The following ADD3 variants were observed in gnomAD, a reference collection of about 807,000 sequenced individuals.
The protein encoded by ADD3 is gamma-adducin.
ADD3 carries 25 observed loss-of-function variants against 80.2 expected under a neutral mutation model. The ratio of observed to expected loss-of-function variants is 0.31; its 90% CI spans 0.23 to 0.44. The LOEUF is 0.44. Ranked by LOEUF, ADD3 falls within the 20% of genes least tolerant of loss-of-function variation. The probability of loss-of-function intolerance (pLI) is 1.00; values close to 1 mark genes in which losing one functional copy is unlikely to be tolerated. For synonymous variants in ADD3, 284 were observed against 289.6 expected, an observed-to-expected ratio of 0.98 and a Z score of 0.20; for missense variants, 829 against 847.5, an observed-to-expected ratio of 0.98 and a Z score of 0.27.
At chr10:110,113,029 A>ACACTATGT in intron 3 of ADD3, 114 bp downstream of exon 3, 2 of 1,124,684 alleles carry the variant, frequency 1.8e-6, no homozygotes, top group Non-Finnish European at 2.6e-6. Flanking sequence ...ATAACATCTA[A>ACACTATGT]TACTTAGAGT....
Position 110,124,012 on chromosome 10 carries a change from C to G in ADD3, c.1144-5C>G. On this transcript the variant is annotated splice_region_variant and splice_polypyrimidine_tract_variant and intron_variant, in intron 9 of 14. Coordinates refer to ENST00000356080, the MANE Select transcript of ADD3 (RefSeq NM_016824.5). ...TGCTTCAAATGTGGCTTTTCCCTCC[C>G]TTAGGGGTATAGAACAGGCTATGCT... 6.2e-7 allele frequency: 1 copy of G among 1,613,442 alleles called. No individual in the cohort carries two copies. The highest frequency in any genetic ancestry group is 8.5e-7 in the Non-Finnish European group (1 of 1,179,572).
chr10:110,122,012 A>C, intron 8 of ADD3, 98 bp from the exon 9 acceptor site: 3 of 1,047,918 alleles, frequency 2.9e-6, no homozygotes, highest in Non-Finnish European at 4.1e-6. Flanking sequence ...CAAGTATTAT[A>C]GATATTTGCC....
chr10:110,066,832 C>T (rs942182826), intron 1 of ADD3, among the ~76,000 whole-genome samples: 6 of 152,094 alleles, frequency 3.9e-5, no homozygotes, highest in African/African-American at 9.7e-5. Flanking sequence ...AATTCTAAAA[C>T]GAGTATTTCC....
At chr10:110,070,411 A>G (rs188946176) in intron 1 of ADD3, among the ~76,000 whole-genome samples, 10 of 152,338 alleles carry the variant, frequency 6.6e-5, no homozygotes, top group African/African-American at 2.4e-4. Flanking sequence ...AAAGAAATAT[A>G]TGGTGAATTG....
At chr10:110,082,454 A>G (rs749630991) in intron 1 of ADD3, among the ~76,000 whole-genome samples, 1 of 152,236 alleles carries the variant, frequency 6.6e-6, no homozygotes, top group Admixed American at 6.5e-5. Flanking sequence ...TTAAAGACCT[A>G]TTTTGAGTTT....
intron 1 of ADD3, among the ~76,000 whole-genome samples, chr10:110,009,859 T>C (rs1387669590): frequency 1.3e-5 from 2 of 152,230 alleles, no homozygotes; most frequent in Non-Finnish European, 1.5e-5. Context: ...GATAGTTGGT[T>C]ATGAGACATT....
intron 1 of ADD3, chr10:109,997,490 G>A (rs1033320227): frequency 1.3e-5 from 2 of 152,206 alleles, no homozygotes; most frequent in Admixed American, 6.5e-5. Context: ...AGAGAAGGCT[G>A]TTGCTGCCCT....
intron 1 of ADD3, among the ~76,000 whole-genome samples, chr10:110,093,005 C>T (rs1381099061): frequency 6.6e-6 from 1 of 152,078 alleles, no homozygotes; most frequent in Non-Finnish European, 1.5e-5. Context: ...ATTACAGACA[C>T]ATGCCACCAT....
intron 3 of ADD3, among the ~76,000 whole-genome samples, chr10:110,114,577 TGTG>T (rs911778076): frequency 1.7e-4 from 26 of 152,248 alleles, no homozygotes; most frequent in South Asian, 1.7e-3. Context: ...AGTCATGAAA[TGTG>T]GTGACAAATT....
chr10:110,054,846 C>T (rs1857974001), intron 1 of ADD3, among the ~76,000 whole-genome samples: 1 of 152,080 alleles, frequency 6.6e-6, no homozygotes, highest in Non-Finnish European at 1.5e-5. Context: ...GATCTCCTGA[C>T]CTCGTGATCT....
At position 110,047,527 on chromosome 10, in the gene ADD3, G is replaced by A. The variant is rs952402589; in HGVS notation, c.-30+39228G>A. 2.0e-5 allele frequency among the ~76,000 whole-genome samples: 3 copies of A among 152,158 alleles called. No individual in the cohort carries two copies. In the South Asian group the frequency reaches 6.2e-4, roughly 32 times the overall value. On this transcript the variant is annotated intron_variant, in intron 1 of 14. Coordinates refer to ENST00000356080, the MANE Select transcript of ADD3 (RefSeq NM_016824.5). Reference sequence around the variant, plus strand: ...TAAATCAGAACCTCTGTAGGTTGAGGCCTAGATAATTTTTTAATGTATCCC... The same window carrying A: ...TAAATCAGAACCTCTGTAGGTTGAGACCTAGATAATTTTTTAATGTATCCC...
At chr10:110,070,782 G>T (rs757442286) in intron 1 of ADD3, among the ~76,000 whole-genome samples, 1 of 151,850 alleles carries the variant, frequency 6.6e-6, no homozygotes, top group Non-Finnish European at 1.5e-5. Context: ...CTTGTCTCTC[G>T]CCCTGTCTTG....
chr10:110,078,128 T>G (rs78422570), intron 1 of ADD3, among the ~76,000 whole-genome samples: 1 of 152,322 alleles, frequency 6.6e-6, no homozygotes, highest in Non-Finnish European at 1.5e-5. Flanking sequence ...TTTTACTTGG[T>G]AGTAATTGGA....
chr10:109,999,399 CTCG>C (rs1461114196), intron 1 of ADD3, among the ~76,000 whole-genome samples: 2 of 152,302 alleles, frequency 1.3e-5, no homozygotes, highest in East Asian at 3.9e-4. Flanking sequence ...GGCCCTTCTC[CTCG>C]TTTTTCCCCC....
intron 1 of ADD3, among the ~76,000 whole-genome samples, chr10:110,086,517 G>A (rs1564952348): frequency 6.6e-6 from 1 of 152,228 alleles, no homozygotes; most frequent in Non-Finnish European, 1.5e-5. Flanking sequence ...TCTGGCAGGA[G>A]TTGATTGGAT....
chr10:110,112,021 A>G (rs1850095010), intron 2 of ADD3: 1 of 152,230 alleles, frequency 6.6e-6, no homozygotes, highest in African/African-American at 2.4e-5. Context: ...AGGAATTTCC[A>G]TAGAAATCAT....
intron 1 of ADD3, among the ~76,000 whole-genome samples, chr10:110,049,931 G>T (rs897060242): frequency 6.6e-6 from 1 of 151,900 alleles, no homozygotes; most frequent in Non-Finnish European, 1.5e-5. Flanking sequence ...TTGGATTTTG[G>T]GACTTACATG....
intron 1 of ADD3, among the ~76,000 whole-genome samples, chr10:110,022,672 A>G (rs1407066391): frequency 6.6e-6 from 1 of 152,242 alleles, no homozygotes; most frequent in Non-Finnish European, 1.5e-5. Flanking sequence ...GAAGATAGAC[A>G]TTTATGTAAG....
chr10:110,044,471 A>G (rs1368469905), intron 1 of ADD3, among the ~76,000 whole-genome samples: 1 of 152,226 alleles, frequency 6.6e-6, no homozygotes, highest in Non-Finnish European at 1.5e-5. Flanking sequence ...AATTTTCCAT[A>G]CAAAATCAGA....
Sources: gnomAD v4.1 joint callset for allele counts (sites outside exome capture counted in the v4.1 genomes callset) on GRCh38, gnomAD v4.1.1 for gene constraint, MANE v1.5 for transcripts, NCBI Gene and HGNC (gene_info 2026-07-23, HGNC 2026-07-21) for gene names.